VPS13D: variants seen among roughly 807,000 people sequenced by gnomAD.
The protein encoded by VPS13D is vacuolar protein sorting 13 homolog D, also known as intermembrane lipid transfer protein VPS13D.
Under a neutral mutation model 461.9 loss-of-function variants are expected in VPS13D, and 187 were observed. The observed-to-expected ratio is 0.40, with a 90% CI of 0.36 to 0.46. The LOEUF (loss-of-function observed/expected upper bound fraction) is 0.46, where lower values mean the gene tolerates loss of function less well. Ranked by LOEUF, VPS13D falls within the 20% of genes least tolerant of loss-of-function variation. The pLI, the probability that VPS13D is intolerant of heterozygous loss-of-function variation, is 0.60. For synonymous variants in VPS13D, 1,951 were observed against 1,986.3 expected (o/e 0.98, Z 0.47); for missense variants, 4,711 against 5,364.9 (o/e 0.88, Z 3.81).
At chr1:12,358,678 T>C (rs2101607518) in intron 50 of VPS13D, 77 bp downstream of exon 50, 1 of 1,556,128 alleles carries the variant, frequency 6.4e-7, no homozygotes, top group Non-Finnish European at 8.7e-7. Flanking sequence ...GACCTGGCCA[T>C]GCATTTTGGC....
At chr1:12,487,551 C>T (rs547865827) in intron 67 of VPS13D, among the ~76,000 whole-genome samples, 1 of 150,720 alleles carries the variant, frequency 6.6e-6, no homozygotes, top group African/African-American at 2.4e-5. Flanking sequence ...GTGGAGGTTG[C>T]AGTGAGCCGA....
intron 54 of VPS13D, 111 bp downstream of exon 54, chr1:12,369,813 C>G (rs550204095): frequency 5.1e-6 from 5 of 973,178 alleles, no homozygotes; most frequent in South Asian, 3.4e-5. Flanking sequence ...AAGATTCTTT[C>G]ATTCTTTACC....
At chr1:12,346,765 T>G in intron 44 of VPS13D, 113 bp downstream of exon 44, 1 of 1,046,752 alleles carries the variant, frequency 9.6e-7, no homozygotes, top group Non-Finnish European at 1.4e-6. Flanking sequence ...TATATGCGAT[T>G]GAAATTTATC....
intron 67 of VPS13D, among the ~76,000 whole-genome samples, chr1:12,481,310 C>T (rs138207732): frequency 3.2e-4 from 48 of 152,322 alleles, no homozygotes; most frequent in African/African-American, 7.5e-4. Flanking sequence ...TAGTGTGAGC[C>T]GTAGCTGTCA....
intron 65 of VPS13D, among the ~76,000 whole-genome samples, chr1:12,449,650 T>C (rs762962504): frequency 9.9e-5 from 15 of 152,212 alleles, no homozygotes; most frequent in Non-Finnish European, 2.1e-4. Flanking sequence ...GTGAAGACTT[T>C]CGTTTTGAAG....
chr1:12,275,802 A>G, intron 18 of VPS13D, 23 bp from the exon 19 acceptor site: 1 of 1,541,028 alleles, frequency 6.5e-7, no homozygotes, highest in Non-Finnish European at 8.7e-7. Context: ...CATATATTTG[A>G]ATCTTCTTTT....
chr1:12,480,123 T>G (rs886633222), intron 67 of VPS13D, among the ~76,000 whole-genome samples: 5 of 152,152 alleles, frequency 3.3e-5, no homozygotes, highest in African/African-American at 1.2e-4. Context: ...TGTACCCCAT[T>G]CCACTCCTGA....
At position 12,271,106 on chromosome 1, in the gene VPS13D, G is replaced by A; in HGVS notation, c.2085G>A (p.Leu695=). The A allele has an allele frequency of 1.2e-6, 2 of 1,614,016 alleles. No homozygotes were observed. Among genetic ancestry groups the A allele is most frequent in the Non-Finnish European group, 1.7e-6 (2 of 1,179,948 alleles). ...KAEIRQTLDR[L]LVGDFIEESK... ...AAATCCGGCAAACTCTTGATCGTTT[G>A]CTAGTGGGTGATTTCATTGTAAGTG... is the stretch of plus-strand genomic sequence containing the variant. Residue 695 remains leucine, a synonymous_variant, in exon 17 of 70, where the codon TTG becomes TTA. Transcript: ENST00000620676.
At chr1:12,264,903 T>C (rs985861116) in intron 13 of VPS13D, among the ~76,000 whole-genome samples, 1 of 152,228 alleles carries the variant, frequency 6.6e-6, no homozygotes, top group African/African-American at 2.4e-5. Flanking sequence ...GCTTCAAAGC[T>C]TCAAAGAACA....
intron 46 of VPS13D, among the ~76,000 whole-genome samples, chr1:12,353,693 G>T (rs1221386936): frequency 6.6e-6 from 1 of 152,102 alleles, no homozygotes; most frequent in African/African-American, 2.4e-5. Context: ...ATTGGAAAAG[G>T]ACATGAGGGA....
chr1:12,239,898 A>T lies in VPS13D; in HGVS notation c.98-2615A>T, dbSNP rs1278046222. On this transcript the variant is annotated intron_variant, in intron 2 of 69. Transcript: ENST00000620676. ...CATTATCATTTATAAAGCACTCAGT[A>T]CATTGGGGTCTGTCTGGAGTGAGTG... 1.1e-4 allele frequency among the ~76,000 whole-genome samples: 16 copies of T among 152,100 alleles called. 1 individual carries two copies. Among genetic ancestry groups the T allele is most frequent in the Admixed American group, 1.0e-3 (16 of 15,274 alleles).
chr1:12,274,866 A>C (rs570189972), intron 18 of VPS13D, among the ~76,000 whole-genome samples: 3 of 151,046 alleles, frequency 2.0e-5, no homozygotes, highest in Non-Finnish European at 3.0e-5. Context: ...GGTGGATTAC[A>C]TGAGGTCAGG....
chr1:12,314,645 A>C (rs1444981096), intron 30 of VPS13D, among the ~76,000 whole-genome samples: 2 of 152,366 alleles, frequency 1.3e-5, no homozygotes, highest in Middle Eastern at 3.4e-3. Context: ...ATGCTGGTTT[A>C]AGGAAAAAAG....
At chr1:12,363,362 T>A in intron 52 of VPS13D, 115 bp downstream of exon 52, 2 of 1,139,800 alleles carry the variant, frequency 1.8e-6, no homozygotes, top group Admixed American at 5.1e-5. Context: ...GACAGAGGTC[T>A]TAGAACTTGC....
intron 57 of VPS13D, 119 bp from the exon 58 acceptor site, chr1:12,382,857 T>C (rs1644301275): frequency 2.3e-6 from 2 of 877,858 alleles, no homozygotes; most frequent in Non-Finnish European, 3.5e-6. Context: ...TTGTTGCACA[T>C]TGATCATGAC....
At chr1:12,464,894 T>G (rs1401674648) in intron 67 of VPS13D, 1 of 152,238 alleles carries the variant, frequency 6.6e-6, no homozygotes, top group Non-Finnish European at 1.5e-5. Context: ...CCTACGTGTA[T>G]TGGGCCACAC....
chr1:12,422,225 A>G (rs1221246197), intron 65 of VPS13D, among the ~76,000 whole-genome samples: 4 of 152,174 alleles, frequency 2.6e-5, no homozygotes, highest in African/African-American at 9.7e-5. Context: ...TGTGTTTATG[A>G]ATACAGATAT....
intron 65 of VPS13D, among the ~76,000 whole-genome samples, chr1:12,452,375 G>C (rs1042493961): frequency 6.6e-6 from 1 of 152,182 alleles, no homozygotes; most frequent in African/African-American, 2.4e-5. Flanking sequence ...GGGTATCTCT[G>C]CCCTGTTTTG....
rs181179005 is a variant in VPS13D at position 12,232,246 on chromosome 1, C to A, written c.-76-1945C>A. Among the ~76,000 whole-genome samples, 11 of 152,214 alleles carry A rather than the reference C, an allele frequency of 7.2e-5. No individual in the cohort carries two copies. In the East Asian group the frequency reaches 2.1e-3, roughly 29 times the overall value. On this transcript the variant is annotated intron_variant, in intron 1 of 69. Transcript: ENST00000620676. ...TCACTGTTGACCAATAAAAGTTAAT[C>A]TTCTCTGGAAGTACAAGATATTGTT... is the stretch of plus-strand genomic sequence containing the variant.
Sources: gnomAD v4.1 joint callset for allele counts (sites outside exome capture counted in the v4.1 genomes callset) on GRCh38, gnomAD v4.1.1 for gene constraint, MANE v1.5 for transcripts, NCBI Gene and HGNC (gene_info 2026-07-23, HGNC 2026-07-21) for gene names.